The following ZCCHC12 variants were observed in gnomAD, a reference collection of about 807,000 sequenced individuals.
ZCCHC12 encodes zinc finger CCHC domain-containing protein 12.
For synonymous variants in ZCCHC12, 128 were observed against 123.2 expected (o/e 1.04, Z -0.26); for missense variants, 317 against 323.4 (o/e 0.98, Z 0.15).
At position 118,826,085 on chromosome X, in the gene ZCCHC12, G is replaced by T; in HGVS notation, c.841G>T (p.Glu281Ter). 8.3e-7 allele frequency: 1 copy of T among 1,211,032 alleles called. No homozygotes were observed. Among genetic ancestry groups the T allele is most frequent in the Non-Finnish European group, 1.1e-6 (1 of 895,235 alleles). ...CTCCGATGAGGATGTGATCCTGGTG[G>T]AGTCTCAGGACCCTCCACTTCCATC... The part of the protein sequence containing the change: ...DDSDEDVILV[E>*]SQDPPLPSWG... The change falls in exon 4 of 4, where the codon GAG becomes TAG. Residue 281 changes from glutamate (E) to a stop codon, truncating the protein, a stop_gained. Transcript: ENST00000310164. LOFTEE classifies it low-confidence loss of function (END_TRUNC).
At position 118,825,209 on chromosome X, in the gene ZCCHC12, A is replaced by G. The variant is rs181008216; in HGVS notation, c.-36A>G. The G allele has an allele frequency of 3.4e-4, 416 of 1,210,052 alleles. 2 individuals are homozygous for G. In the East Asian group the frequency reaches 0.01, roughly 30 times the overall value. On this transcript the variant is annotated 5_prime_UTR_variant, in exon 4 of 4. Transcript: ENST00000310164. ...TTAAGCTTTTCTAAAAAGCCTAGGC[A>G]TCTTCTTATATTCAGATACCCTATC...
Position 118,826,490 on chromosome X carries a change from A to G in ZCCHC12, c.*37A>G. On this transcript the variant is annotated 3_prime_UTR_variant, in exon 4 of 4. Transcript: ENST00000310164. ...CAGGTTTCAGTGAACCCTTACCTAT[A>G]TTCAGCATCCAGTAGTGGGAAAACT... 2 of 1,005,317 alleles carry G rather than the reference A, an allele frequency of 2.0e-6. No individual in the cohort carries two copies. Among genetic ancestry groups the G allele is most frequent in the Non-Finnish European group, 2.6e-6 (2 of 757,815 alleles). The allele number at this position is 1,005,317 out of a possible 1,213,427, so 82.8% of individuals were successfully genotyped here. A position where few individuals can be genotyped will look rare whatever the true frequency, so the allele number is the denominator to read the frequency against.
Position 118,826,463 on chromosome X carries a change from C to T in ZCCHC12, c.*10C>T, listed in dbSNP as rs762469947. On this transcript the variant is annotated 3_prime_UTR_variant, in exon 4 of 4. Transcript: ENST00000310164. The stretch of plus-strand genomic sequence containing the variant: ...CTCTGAGCCACTGTAAGGGACCACC[C>T]CCAGGTTTCAGTGAACCCTTACCTA... 4.9e-5 allele frequency: 59 copies of T among 1,207,394 alleles called. No homozygotes were observed. The highest frequency in any genetic ancestry group is 6.5e-5 in the Non-Finnish European group (58 of 894,624).
In ZCCHC12 at chrX:118,825,283, G is replaced by A. The variant is rs1334835681; in HGVS notation, c.39G>A (p.Arg13=). The A allele has an allele frequency of 8.3e-7, 1 of 1,211,923 alleles. No individual in the cohort carries two copies. The highest frequency in any genetic ancestry group is 1.1e-6 in the Non-Finnish European group (1 of 895,558). Residue 13 remains arginine (R), a synonymous_variant, in exon 4 of 4, where the codon CGG becomes CGA. Coordinates refer to ENST00000310164, the MANE Select transcript of ZCCHC12 (RefSeq NM_173798.4). Reference sequence around the variant, plus strand: ...TTGCACGTGTCGGTAACAGCCGGCGGCTGAATGCACCCTTGCCGCCTTGGG... The same window carrying A: ...TTGCACGTGTCGGTAACAGCCGGCGACTGAATGCACCCTTGCCGCCTTGGG... ...SIIARVGNSR[R]LNAPLPPWAH... is the part of the protein sequence containing the mutation.
Position 118,823,879 on chromosome X carries a change from C to A in ZCCHC12, c.-418C>A, listed in dbSNP as rs1363609199. The A allele has an allele frequency of 1.8e-5, 2 of 113,471 alleles. No individual in the cohort carries two copies. The highest frequency in any genetic ancestry group is 6.4e-5 in the African/African-American group (2 of 31,281). The allele number at this position is 113,471 out of a possible 1,213,427, so 9.4% of individuals were successfully genotyped here. Reference sequence around the variant, plus strand: ...GGGCGGCCCTGCGAAGCAGCTCCTTCGGGCAGCCCCGGGTCGCTTAGCGGC... The same window carrying A: ...GGGCGGCCCTGCGAAGCAGCTCCTTAGGGCAGCCCCGGGTCGCTTAGCGGC... On this transcript the variant is annotated 5_prime_UTR_variant, in exon 1 of 4. Transcript: ENST00000310164.
Position 118,825,457 on chromosome X carries a change from C to T in ZCCHC12, c.213C>T (p.Val71=). 1 of 1,211,785 alleles carries T rather than the reference C, an allele frequency of 8.3e-7. No homozygotes were observed. ...ACTGGCTGACCCAAGTCAATGGCGT[C>T]CTGCCAGATTGGAATATGTCTGAGG... ...FENWLTQVNG[V]LPDWNMSEEE... is the part of the protein sequence containing the mutation. The change falls in exon 4 of 4, where the codon GTC becomes GTT. Residue 71 remains valine, a synonymous_variant. Transcript: ENST00000310164.
intron 3 of ZCCHC12, 82 bp from the exon 4 acceptor site, chrX:118,825,049 T>C (rs2018233563): frequency 2.1e-6 from 1 of 477,116 alleles, no homozygotes; most frequent in Admixed American, 3.8e-5. Context: ...AAATATAAAA[T>C]GTACTGCAGG....
In ZCCHC12 at chrX:118,824,664, T is replaced by C. The variant is rs188149209; in HGVS notation, c.-164T>C. On this transcript the variant is annotated 5_prime_UTR_variant, in exon 3 of 4. Coordinates refer to ENST00000310164, the MANE Select transcript of ZCCHC12 (RefSeq NM_173798.4). Reference sequence around the variant, plus strand: ...GGAGCTTTCTCACGGAGGGCACTGGTTGCAGAGGCTGGAAGTGAAATAAAG... The same window carrying C: ...GGAGCTTTCTCACGGAGGGCACTGGCTGCAGAGGCTGGAAGTGAAATAAAG... 8.9e-6 allele frequency: 1 copy of C among 112,756 alleles called. No homozygotes were observed. The highest frequency in any genetic ancestry group is 2.8e-4 in the East Asian group (1 of 3,528). 9.3% of individuals were successfully genotyped at this position (112,756 alleles called of 1,213,427 possible).
In ZCCHC12 at chrX:118,825,843, C is replaced by A; in HGVS notation, c.599C>A (p.Ala200Glu). The A allele has an allele frequency of 1.7e-6, 2 of 1,211,560 alleles. No homozygotes were observed. ...LRLKDFLRMY[A>E]NEQERLPNFL... ...CTTAAGGATTTTCTCAGGATGTATG[C>A]AAATGAGCAGGAGCGGCTTCCCAAC... Residue 200 changes from alanine to glutamate, a missense_variant, in exon 4 of 4, where the codon GCA (alanine) becomes GAA (glutamate). By Grantham distance (107) the Ala-to-Glu change is moderately radical. Transcript: ENST00000310164.
chrX:118,826,624 T>G lies in ZCCHC12; in HGVS notation c.*171T>G. On this transcript the variant is annotated 3_prime_UTR_variant, in exon 4 of 4. Coordinates refer to ENST00000310164, the MANE Select transcript of ZCCHC12 (RefSeq NM_173798.4). ...TGGATACCAGCACATTGGAGGGAGATAGCCTGACCTCTGTCCTTGCTCCTT... is the reference window on the plus strand; with the variant it reads ...TGGATACCAGCACATTGGAGGGAGAGAGCCTGACCTCTGTCCTTGCTCCTT... 5.0e-6 allele frequency: 3 copies of G among 604,375 alleles called. No individual in the cohort carries two copies. The highest frequency in any genetic ancestry group is 2.2e-5 in the African/African-American group (1 of 44,926). 49.8% of individuals were successfully genotyped at this position (604,375 alleles called of 1,213,427 possible). A position where few individuals can be genotyped will look rare whatever the true frequency, so the allele number is the denominator to read the frequency against.
chrX:118,825,563 A>G lies in ZCCHC12; in HGVS notation c.319A>G (p.Asn107Asp). Residue 107 changes from asparagine to aspartate, a missense_variant, in exon 4 of 4, where the codon AAC (asparagine) becomes GAC (aspartate). By Grantham distance (23) the Asn-to-Asp change is conservative (BLOSUM62 1). Coordinates refer to ENST00000310164, the MANE Select transcript of ZCCHC12 (RefSeq NM_173798.4). ...GCGTGTGCTTCAGGCGACCAACCCT[A>G]ACCTAAGTGTGGCAGATTTCTTGCG... The part of the protein sequence containing the change: ...VMRVLQATNP[N>D]LSVADFLRAM... The G allele has an allele frequency of 8.3e-7, 1 of 1,211,773 alleles. No homozygotes were observed.
In ZCCHC12 at chrX:118,826,460, AC is replaced by A; in HGVS notation, c.*12del. 3.8e-6 allele frequency: 4 copies of A among 1,059,568 alleles called. No individual in the cohort carries two copies. The highest frequency in any genetic ancestry group is 5.0e-6 in the Non-Finnish European group (4 of 802,388). 87.3% of individuals were successfully genotyped at this position (1,059,568 alleles called of 1,213,427 possible). ...CTTCTCTGAGCCACTGTAAGGGACC[AC>A]CCCCAGGTTTCAGTGAACCCTTACC... On this transcript the variant is annotated 3_prime_UTR_variant, in exon 4 of 4. Coordinates refer to ENST00000310164, the MANE Select transcript of ZCCHC12 (RefSeq NM_173798.4).
chrX:118,826,180 C>A lies in ZCCHC12; in HGVS notation c.936C>A (p.His312Gln). The A allele has an allele frequency of 8.3e-7, 1 of 1,211,839 alleles. No homozygotes were observed. The highest frequency in any genetic ancestry group is 1.1e-6 in the Non-Finnish European group (1 of 895,552). The stretch of plus-strand genomic sequence containing the variant: ...AAGTGCTGGTCATTGATTCCCCCCA[C>A]AATTCCAGGGCTCAGTTTCCTTCCA... ...QDEVLVIDSPHNSRAQFPSTS... is the reference protein window; with the variant it reads ...QDEVLVIDSPQNSRAQFPSTS... The change falls in exon 4 of 4, where the codon CAC becomes CAA. Residue 312 changes from histidine (H) to glutamine (Q), a missense_variant. By Grantham distance (24) the His-to-Gln change is conservative (BLOSUM62 0). Coordinates refer to ENST00000310164, the MANE Select transcript of ZCCHC12 (RefSeq NM_173798.4).
Position 118,825,793 on chromosome X carries a change from G to A in ZCCHC12, c.549G>A (p.Glu183=), listed in dbSNP as rs373615632. ...TRLQQLLLGG[E]LSRDLRLRLK... ...TGCAGCAGCTCCTTTTAGGCGGTGA[G>A]CTGAGTAGGGACCTCCGACTCAGAC... Residue 183 remains glutamate, a synonymous_variant, in exon 4 of 4, where the codon GAG becomes GAA. Coordinates refer to ENST00000310164, the MANE Select transcript of ZCCHC12 (RefSeq NM_173798.4). 3.2e-5 allele frequency: 39 copies of A among 1,210,062 alleles called. No homozygotes were observed. Among genetic ancestry groups the A allele is most frequent in the Non-Finnish European group, 4.1e-5 (37 of 895,308 alleles).
chrX:118,823,900 G>A lies in ZCCHC12; in HGVS notation c.-397G>A, dbSNP rs1030704855. ...CCTTCGGGCAGCCCCGGGTCGCTTA[G>A]CGGCCAAGGAGGCTTCAGTTCTTTG... On this transcript the variant is annotated 5_prime_UTR_variant, in exon 1 of 4. Transcript: ENST00000310164. The A allele has an allele frequency of 8.8e-6, 1 of 113,535 alleles. No homozygotes were observed. Among genetic ancestry groups the A allele is most frequent in the African/African-American group, 3.2e-5 (1 of 31,332 alleles). The allele number at this position is 113,535 out of a possible 1,213,427, so 9.4% of individuals were successfully genotyped here. A position where few individuals can be genotyped will look rare whatever the true frequency, so the allele number is the denominator to read the frequency against.
chrX:118,825,163 C>T lies in ZCCHC12; in HGVS notation c.-82C>T. The T allele has an allele frequency of 3.4e-6, 4 of 1,177,665 alleles. No homozygotes were observed. Among genetic ancestry groups the T allele is most frequent in the Non-Finnish European group, 4.6e-6 (4 of 866,083 alleles). ...TGAGATAGGAAGGCAGAGCCACCTC[C>T]TCTCCTCTCCCACCTGCAGATTAAG... is the stretch of plus-strand genomic sequence containing the variant. On this transcript the variant is annotated 5_prime_UTR_variant, in exon 4 of 4. Coordinates refer to ENST00000310164, the MANE Select transcript of ZCCHC12 (RefSeq NM_173798.4).
At position 118,825,857 on chromosome X, in the gene ZCCHC12, C is replaced by A; in HGVS notation, c.613C>A (p.Arg205=). The A allele has an allele frequency of 8.3e-7, 1 of 1,211,576 alleles. No homozygotes were observed. Among genetic ancestry groups the A allele is most frequent in the Non-Finnish European group, 1.1e-6 (1 of 895,485 alleles). ...CAGGATGTATGCAAATGAGCAGGAG[C>A]GGCTTCCCAACTTTCTGGAGTTAAT... The part of the protein sequence containing the change: ...FLRMYANEQE[R]LPNFLELIRM... The change falls in exon 4 of 4, where the codon CGG becomes AGG. Residue 205 remains arginine, a synonymous_variant. Coordinates refer to ENST00000310164, the MANE Select transcript of ZCCHC12 (RefSeq NM_173798.4).
Position 118,825,127 on chromosome X carries a change from A to G in ZCCHC12, c.-114-4A>G, listed in dbSNP as rs2018234712. On this transcript the variant is annotated splice_polypyrimidine_tract_variant and splice_region_variant and intron_variant, in intron 3 of 3. Transcript: ENST00000310164. Reference sequence around the variant, plus strand: ...ATTAACCAGCCCCCCTTTCTTTTTTACAGCCCCTGCTGAGATAGGAAGGCA... The same window carrying G: ...ATTAACCAGCCCCCCTTTCTTTTTTGCAGCCCCTGCTGAGATAGGAAGGCA... The G allele has an allele frequency of 9.9e-7, 1 of 1,012,677 alleles. No homozygotes were observed. The highest frequency in any genetic ancestry group is 1.4e-6 in the Non-Finnish European group (1 of 727,723). 83.5% of individuals were successfully genotyped at this position (1,012,677 alleles called of 1,213,427 possible). A position where few individuals can be genotyped will look rare whatever the true frequency, so the allele number is the denominator to read the frequency against.
Position 118,825,604 on chromosome X carries a change from G to A in ZCCHC12, c.360G>A (p.Val120=). 8.3e-7 allele frequency: 1 copy of A among 1,210,089 alleles called. No homozygotes were observed. The highest frequency in any genetic ancestry group is 1.7e-5 in the African/African-American group (1 of 57,186). ...ATTTCTTGCGAGCCATGAAATTGGTGTTTGGGGAGTCTGAAAGCAGTGTGA... is the reference window on the plus strand; with the variant it reads ...ATTTCTTGCGAGCCATGAAATTGGTATTTGGGGAGTCTGAAAGCAGTGTGA... ...VADFLRAMKL[V]FGESESSVTA... is the part of the protein sequence containing the mutation. The change falls in exon 4 of 4, where the codon GTG becomes GTA. Residue 120 remains valine (V), a synonymous_variant. Transcript: ENST00000310164.
Sources: gnomAD v4.1 joint callset for allele counts on GRCh38, gnomAD v4.1.1 for gene constraint, MANE v1.5 for transcripts, NCBI Gene and HGNC (gene_info 2026-07-23, HGNC 2026-07-21) for gene names.